HNRNPR: variants seen among roughly 807,000 people sequenced by gnomAD.
HNRNPR encodes the protein heterogeneous nuclear ribonucleoprotein R.
Under a neutral mutation model 70.3 loss-of-function variants are expected in HNRNPR, and 4 were observed. That is an observed-to-expected ratio of 0.06 (90% CI 0.03 to 0.13). The LOEUF is 0.13. HNRNPR is among the 10% of genes least tolerant of loss of function. The pLI is 1.00. For missense variants in HNRNPR, 423 were observed against 788.5 expected (o/e 0.54, Z 5.55); for synonymous variants, 241 against 267.6 (o/e 0.90, Z 0.97).
intron 1 of HNRNPR, among the ~76,000 whole-genome samples, chr1:23,343,613 T>C (rs1179312117): frequency 6.6e-6 from 1 of 152,166 alleles, no homozygotes; most frequent in Non-Finnish European, 1.5e-5. Flanking sequence ...CGGCCTCTAG[T>C]AGTCATTTTT....
At chr1:23,325,095 G>A (rs532725060) in intron 5 of HNRNPR, among the ~76,000 whole-genome samples, 5 of 151,894 alleles carry the variant, frequency 3.3e-5, no homozygotes, top group Non-Finnish European at 7.4e-5. Context: ...AGCCGAGATC[G>A]CGCCACTACA....
intron 5 of HNRNPR, among the ~76,000 whole-genome samples, chr1:23,331,834 TAAAAAAAAAAAAAAA>T (rs59006948): frequency 1.4e-4 from 8 of 59,242 alleles, no homozygotes; most frequent in Admixed American, 2.9e-4. Flanking sequence ...ACTGTTTCTT[TAAAAAAAAAAAAAAA>T]AAAAAAAAAA....
chr1:23,341,488 G>A (rs1177296484), intron 1 of HNRNPR, among the ~76,000 whole-genome samples: 2 of 152,042 alleles, frequency 1.3e-5, no homozygotes, highest in Non-Finnish European at 2.9e-5. Flanking sequence ...TACAGTATCG[G>A]TGTGAAATAA....
intron 2 of HNRNPR, among the ~76,000 whole-genome samples, chr1:23,339,312 G>C (rs1646621869): frequency 6.6e-6 from 1 of 152,226 alleles, no homozygotes; most frequent in Non-Finnish European, 1.5e-5. Context: ...AGATTTAAAA[G>C]ATGCTGTGGC....
chr1:23,340,645 G>A (rs1297160991), intron 2 of HNRNPR, among the ~76,000 whole-genome samples: 1 of 152,196 alleles, frequency 6.6e-6, no homozygotes, highest in Admixed American at 6.5e-5. Context: ...AACTAAGACT[G>A]CATATTCAAC....
At chr1:23,321,697 C>A in intron 6 of HNRNPR, 34 bp from the exon 7 acceptor site, 2 of 1,583,612 alleles carry the variant, frequency 1.3e-6, no homozygotes, top group Non-Finnish European at 1.7e-6. Flanking sequence ...ACCCCAAAAC[C>A]ACCCCAAACT....
At position 23,325,716 on chromosome 1, in the gene HNRNPR, C is replaced by T. The variant is rs115658248; in HGVS notation, c.499-1984G>A. ...CCACTTTCTGGAAATAACTGCAAAT[C>T]GTTATTCCTTCAACTCTCATATTTT... On this transcript the variant is annotated intron_variant, in intron 5 of 10. Coordinates refer to ENST00000302271, the MANE Select transcript of HNRNPR (RefSeq NM_005826.5). Among the ~76,000 whole-genome samples the T allele has an allele frequency of 3.9e-3, 594 of 152,244 alleles. 7 individuals are homozygous for T. Among genetic ancestry groups the T allele is most frequent in the African/African-American group, 0.013 (544 of 41,544 alleles).
At chr1:23,323,397 G>A (rs540077218) in intron 6 of HNRNPR, among the ~76,000 whole-genome samples, 159 bp downstream of exon 6, 1 of 152,206 alleles carries the variant, frequency 6.6e-6, no homozygotes, top group Non-Finnish European at 1.5e-5. Context: ...TACTTTTATA[G>A]TCAGAGAAAA....
rs1645210710 is a variant in HNRNPR, at chr1:23,306,899, GAAC to G, written c.*3552_*3554del. On this transcript the variant is annotated 3_prime_UTR_variant, in exon 11 of 11. Coordinates refer to ENST00000302271, the MANE Select transcript of HNRNPR (RefSeq NM_005826.5). ...GTCATCCAATCTACTGGTTTCCTCAGAACAACTCCACCCCTAAGTTAACAGAAG... is the reference window on the plus strand; with the variant it reads ...GTCATCCAATCTACTGGTTTCCTCAGAACTCCACCCCTAAGTTAACAGAAG... 6.6e-6 allele frequency: 1 copy of G among 152,078 alleles called. No individual in the cohort carries two copies. Among genetic ancestry groups the G allele is most frequent in the Non-Finnish European group, 1.5e-5 (1 of 68,002 alleles). The allele number at this position is 152,078 out of a possible 1,614,324, so 9.4% of individuals were successfully genotyped here. A position where few individuals can be genotyped will look rare whatever the true frequency, so the allele number is the denominator to read the frequency against.
Position 23,309,043 on chromosome 1 carries a change from C to G in HNRNPR, c.*1411G>C, listed in dbSNP as rs764257469. ...TTCTTTTGTTCCTCTCATTCTCAAG[C>G]AAAAAAGTCATTAGAATAAATCAGA... On this transcript the variant is annotated 3_prime_UTR_variant, in exon 11 of 11. Transcript: ENST00000302271. The G allele has an allele frequency of 4.6e-5, 7 of 151,746 alleles. No individual in the cohort carries two copies. The highest frequency in any genetic ancestry group is 1.0e-4 in the Non-Finnish European group (7 of 67,828). 9.4% of individuals were successfully genotyped at this position (151,746 alleles called of 1,614,324 possible). A position where few individuals can be genotyped will look rare whatever the true frequency, so the allele number is the denominator to read the frequency against.
chr1:23,312,840 T>C (rs1196621833), intron 9 of HNRNPR, among the ~76,000 whole-genome samples: 1 of 152,130 alleles, frequency 6.6e-6, no homozygotes, highest in Non-Finnish European at 1.5e-5. Context: ...AATAAGATTT[T>C]AGTAGTGTTT....
chr1:23,341,447 G>A (rs1483425357), intron 1 of HNRNPR, among the ~76,000 whole-genome samples: 1 of 152,088 alleles, frequency 6.6e-6, no homozygotes, highest in African/African-American at 2.4e-5. Flanking sequence ...AAGATTTAAG[G>A]ACTTTCAAAT....
intron 1 of HNRNPR, among the ~76,000 whole-genome samples, chr1:23,343,910 G>C (rs1646806777): frequency 6.6e-6 from 1 of 152,154 alleles, no homozygotes; most frequent in South Asian, 2.1e-4. Context: ...CGGCCGCATG[G>C]AGCAGCGAGC....
chr1:23,310,497 T>C lies in HNRNPR; in HGVS notation c.1859A>G (p.Asn620Ser). 1 of 1,612,158 alleles carries C rather than the reference T, an allele frequency of 6.2e-7. No homozygotes were observed. Residue 620 changes from asparagine (N) to serine (S), a missense_variant, in exon 11 of 11, where the codon AAC (asparagine) becomes AGC (serine). Coordinates refer to ENST00000302271, the MANE Select transcript of HNRNPR (RefSeq NM_005826.5). The surrounding 1 kb of genome is among the most constrained non-coding windows in gnomAD (Gnocchi z 6.0). Reference sequence around the variant, plus strand: ...ATAAGTATCCTGATAAAATTCCTGGTTGTCATTATTGTAACCATAGTTACC... The same window carrying C: ...ATAAGTATCCTGATAAAATTCCTGGCTGTCATTATTGTAACCATAGTTACC... ...YSGNYGYNND[N>S]QEFYQDTYGQ...
At chr1:23,330,715 A>C (rs1646187439) in intron 5 of HNRNPR, among the ~76,000 whole-genome samples, 1 of 152,170 alleles carries the variant, frequency 6.6e-6, no homozygotes, top group Non-Finnish European at 1.5e-5. Context: ...CTTAGCAACA[A>C]TGTCTGTTAA....
intron 8 of HNRNPR, among the ~76,000 whole-genome samples, chr1:23,314,190 G>A (rs1645444422): frequency 6.6e-6 from 1 of 151,880 alleles, no homozygotes. Flanking sequence ...AAGGAGAAAA[G>A]CTGGTCCATG....
At position 23,307,504 on chromosome 1, in the gene HNRNPR, T is replaced by A. The variant is rs1224193008; in HGVS notation, c.*2950A>T. On this transcript the variant is annotated 3_prime_UTR_variant, in exon 11 of 11. Coordinates refer to ENST00000302271, the MANE Select transcript of HNRNPR (RefSeq NM_005826.5). The stretch of plus-strand genomic sequence containing the variant: ...AATAACCCCAGTAACTAAAAAAACC[T>A]GAAAAACAATTATGCTGAACTCATT... The A allele has an allele frequency of 1.3e-5, 2 of 152,060 alleles. No individual in the cohort carries two copies. Among genetic ancestry groups the A allele is most frequent in the Non-Finnish European group, 2.9e-5 (2 of 67,944 alleles). The allele number at this position is 152,060 out of a possible 1,614,324, so 9.4% of individuals were successfully genotyped here.
chr1:23,336,131 A>AAAAAAAAAAAC (rs1406790639), intron 4 of HNRNPR, among the ~76,000 whole-genome samples: 1 of 145,098 alleles, frequency 6.9e-6, no homozygotes, highest in East Asian at 2.0e-4. Flanking sequence ...AAAAAAAAAA[A>AAAAAAAAAAAC]AGTCTATCAC....
Position 23,318,765 on chromosome 1 carries a change from T to C in HNRNPR, c.812-77A>G. The C allele has an allele frequency of 1.4e-6, 2 of 1,410,606 alleles. No individual in the cohort carries two copies. Among genetic ancestry groups the C allele is most frequent in the South Asian group, 1.2e-5 (1 of 80,926 alleles). The allele number at this position is 1,410,606 out of a possible 1,614,324, so 87.4% of individuals were successfully genotyped here. A position where few individuals can be genotyped will look rare whatever the true frequency, so the allele number is the denominator to read the frequency against. On this transcript the variant is annotated intron_variant, in intron 7 of 10. Coordinates refer to ENST00000302271, the MANE Select transcript of HNRNPR (RefSeq NM_005826.5). This position sits in a 1 kb window ranked among gnomAD's most constrained non-coding sequence, Gnocchi z 4.2. ...AGCGATTAGGCAGACCTAAATCCAC[T>C]TGACGATGAGCAAAATATAAGTGAA... is the stretch of plus-strand genomic sequence containing the variant.
Sources: allele counts gnomAD v4.1 joint callset (sites outside exome capture counted in the v4.1 genomes callset), GRCh38; gene constraint gnomAD v4.1.1; non-coding constraint Gnocchi (gnomAD v3.1); transcripts MANE v1.5; gene names NCBI Gene and HGNC (gene_info 2026-07-23, HGNC 2026-07-21).